The following COG6 variants were observed in gnomAD, a reference collection of about 807,000 sequenced individuals.
COG6 encodes the protein component of oligomeric golgi complex 6.
COG6 carries 74 observed loss-of-function variants against 88.8 expected under a neutral mutation model. That is an observed-to-expected ratio of 0.83 (90% CI 0.69 to 1.01). The LOEUF is 1.01. Ranked by LOEUF, COG6 falls within the 50% of genes least tolerant of loss-of-function variation. The pLI is 0.00. For missense variants in COG6, 800 were observed against 797.9 expected, an observed-to-expected ratio of 1.00 and a Z score of -0.03; for synonymous variants, 286 against 278.7, an observed-to-expected ratio of 1.03 and a Z score of -0.26.
intron 18 of COG6, among the ~76,000 whole-genome samples, chr13:39,777,035 C>T (rs1881484452): frequency 2.0e-5 from 3 of 152,228 alleles, no homozygotes; most frequent in Middle Eastern, 3.4e-3. Flanking sequence ...GGTTCCATCA[C>T]CAAATTAACA....
chr13:39,664,245 A>G (rs547155235), intron 3 of COG6: 1 of 154,200 alleles, frequency 6.5e-6, no homozygotes, highest in South Asian at 2.0e-4. Context: ...TCTTTAACAG[A>G]CTGATTCACC....
chr13:39,769,384 G>A (rs1489701151), intron 18 of COG6, among the ~76,000 whole-genome samples: 5 of 152,192 alleles, frequency 3.3e-5, no homozygotes, highest in African/African-American at 9.7e-5. Context: ...TGTCCCATGT[G>A]ATATTAAGAG....
chr13:39,727,361 G>A (rs1879185677), intron 17 of COG6, 108 bp from the exon 18 acceptor site: 2 of 817,196 alleles, frequency 2.4e-6, no homozygotes, highest in South Asian at 2.8e-5. Flanking sequence ...GTTATTTAGA[G>A]TATGGAATTT....
At chr13:39,694,386 T>C (rs1877141254) in intron 11 of COG6, among the ~76,000 whole-genome samples, 1 of 151,842 alleles carries the variant, frequency 6.6e-6, no homozygotes, top group Non-Finnish European at 1.5e-5. Flanking sequence ...TTGACATTTC[T>C]GGTAACAACT....
At chr13:39,774,020 GC>G (rs1306235699) in intron 18 of COG6, among the ~76,000 whole-genome samples, 2 of 152,040 alleles carry the variant, frequency 1.3e-5, no homozygotes, top group Non-Finnish European at 2.9e-5. Context: ...CTTCGAAACT[GC>G]CCCACAGTCA....
chr13:39,691,813 C>T (rs963760942), intron 11 of COG6, among the ~76,000 whole-genome samples: 7 of 151,854 alleles, frequency 4.6e-5, no homozygotes, highest in Non-Finnish European at 8.8e-5. Flanking sequence ...TCAATCTGCT[C>T]TTGTAATCCC....
At chr13:39,682,373 A>T in intron 8 of COG6, 109 bp downstream of exon 8, 1 of 692,754 alleles carries the variant, frequency 1.4e-6, no homozygotes, top group Non-Finnish European at 2.6e-6. Context: ...TAATATTTAT[A>T]ATAATTTACA....
intron 4 of COG6, among the ~76,000 whole-genome samples, 182 bp downstream of exon 4, chr13:39,665,336 C>T (rs1875184871): frequency 6.6e-6 from 1 of 152,138 alleles, no homozygotes; most frequent in South Asian, 2.1e-4. Flanking sequence ...GAGCAATAAA[C>T]TTGACATTGA....
At chr13:39,728,196 G>A (rs1879240399) in intron 18 of COG6, among the ~76,000 whole-genome samples, 1 of 152,040 alleles carries the variant, frequency 6.6e-6, no homozygotes, top group Admixed American at 6.5e-5. Context: ...TAGGAGTTAA[G>A]GCTTAAAAGA....
chr13:39,676,490 A>G (rs1417428432), intron 4 of COG6, among the ~76,000 whole-genome samples: 3 of 152,090 alleles, frequency 2.0e-5, no homozygotes, highest in South Asian at 2.1e-4. Flanking sequence ...AAATAAACAG[A>G]TCTTTGCTGC....
chr13:39,790,096 T>G (rs1363505856), exon 19 of COG6: 1 of 152,204 alleles, frequency 6.6e-6, no homozygotes, highest in Non-Finnish European at 1.5e-5. Flanking sequence ...ACACTTTTCA[T>G]TTATTAAATT....
intron 10 of COG6, among the ~76,000 whole-genome samples, chr13:39,688,231 C>G (rs1455891373): frequency 6.6e-6 from 1 of 152,168 alleles, no homozygotes. Context: ...TACCCAGCCT[C>G]TTTTTTCATT....
chr13:39,699,431 A>G (rs987455408), intron 12 of COG6, 70 bp from the exon 13 acceptor site: 48 of 773,868 alleles, frequency 6.2e-5, no homozygotes, highest in South Asian at 3.3e-4. Context: ...CTTTTAAAGC[A>G]TTCTACTCAG....
exon 19 of COG6, chr13:39,788,430 T>G: frequency 6.9e-7 from 1 of 1,453,340 alleles, no homozygotes; most frequent in Non-Finnish European, 9.5e-7. Flanking sequence ...CTCGGAAAAC[T>G]CTGCCTTGGG....
At chr13:39,758,928 G>A (rs1880929359) in intron 18 of COG6, among the ~76,000 whole-genome samples, 1 of 152,126 alleles carries the variant, frequency 6.6e-6, no homozygotes, top group Non-Finnish European at 1.5e-5. Context: ...GCTACAACAT[G>A]GATGAATCTT....
intron 13 of COG6, among the ~76,000 whole-genome samples, chr13:39,703,831 A>G (rs1877724536): frequency 6.6e-6 from 1 of 151,952 alleles, no homozygotes; most frequent in Non-Finnish European, 1.5e-5. Flanking sequence ...AGCTCAAGCC[A>G]TCCTTCTGCC....
chr13:39,782,971 T>G (rs571269311), intron 18 of COG6, among the ~76,000 whole-genome samples: 51 of 152,356 alleles, frequency 3.3e-4, no homozygotes, highest in African/African-American at 1.2e-3. Context: ...TAGACAAGTA[T>G]GTTTATTTTG....
At chr13:39,742,939 G>C (rs1365552288) in intron 18 of COG6, among the ~76,000 whole-genome samples, 1 of 152,128 alleles carries the variant, frequency 6.6e-6, no homozygotes, top group Non-Finnish European at 1.5e-5. Flanking sequence ...TAGAACTCAG[G>C]ATTAAGAAAC....
intron 4 of COG6, among the ~76,000 whole-genome samples, chr13:39,668,024 C>G (rs1875378102): frequency 6.6e-6 from 1 of 151,862 alleles, no homozygotes; most frequent in Non-Finnish European, 1.5e-5. Context: ...TTTTTAAAAT[C>G]ACTGGAAATA....
Sources: gnomAD v4.1 joint callset for allele counts (sites outside exome capture counted in the v4.1 genomes callset) on GRCh38, gnomAD v4.1.1 for gene constraint, MANE v1.5 for transcripts, NCBI Gene and HGNC (gene_info 2026-07-23, HGNC 2026-07-21) for gene names.